FBXL4: variants seen among roughly 807,000 people sequenced by gnomAD.
FBXL4 encodes F-box and leucine rich repeat protein 4.
Under a neutral mutation model 58.9 loss-of-function variants are expected in FBXL4, and 40 were observed. The observed-to-expected ratio is 0.68, with a 90% confidence interval of 0.53 to 0.88. The LOEUF (loss-of-function observed/expected upper bound fraction) is 0.88, where lower values mean the gene tolerates loss of function less well. FBXL4 is among the 40% of genes least tolerant of loss of function. The pLI is 0.00. For synonymous variants in FBXL4, 263 were observed against 265.5 expected (o/e 0.99, Z 0.09); for missense variants, 676 against 734.4 (o/e 0.92, Z 0.92).
intron 5 of FBXL4, among the ~76,000 whole-genome samples, chr6:98,911,389 C>T (rs1772060141): frequency 6.6e-6 from 1 of 152,206 alleles, no homozygotes; most frequent in African/African-American, 2.4e-5. Flanking sequence ...AAGTGGGTCC[C>T]TGACCCCTGA....
In FBXL4 at chr6:98,917,518, A is replaced by C. The variant is rs776419278; in HGVS notation, c.714T>G (p.Thr238=). 35 of 1,613,962 alleles carry C rather than the reference A, an allele frequency of 2.2e-5. No individual in the cohort carries two copies. Among genetic ancestry groups the C allele is most frequent in the Non-Finnish European group, 2.9e-5 (34 of 1,179,948 alleles). Residue 238 remains threonine, a synonymous_variant, in exon 5 of 10, where the codon ACT becomes ACG. Transcript: ENST00000369244. ...VKDKPVLSLK[T]SLIDMNDIED... is the part of the protein sequence containing the mutation. ...CTATATCATTCATGTCAATAAGTGAAGTCTTGAGAGAAAGCACTGGCTTGT... is the reference window on the plus strand; with the variant it reads ...CTATATCATTCATGTCAATAAGTGACGTCTTGAGAGAAAGCACTGGCTTGT...
intron 6 of FBXL4, among the ~76,000 whole-genome samples, chr6:98,902,812 T>C (rs1470297910): frequency 1.3e-5 from 2 of 151,914 alleles, no homozygotes; most frequent in Non-Finnish European, 2.9e-5. Context: ...ACTAGAAAAG[T>C]GGAATTATAA....
intron 1 of FBXL4, 144 bp downstream of exon 1, chr6:98,947,662 G>T: frequency 6.6e-6 from 1 of 152,536 alleles, no homozygotes; most frequent in South Asian, 1.9e-4. Flanking sequence ...CGCGGGCGGG[G>T]AGGGGCGGGC....
At chr6:98,942,190 G>A (rs1773457890) in intron 1 of FBXL4, among the ~76,000 whole-genome samples, 1 of 151,472 alleles carries the variant, frequency 6.6e-6, no homozygotes, top group Non-Finnish European at 1.5e-5. Flanking sequence ...ACTTAAAAAT[G>A]TATGCCAGTT....
At chr6:98,939,253 T>C (rs2128412051) in intron 1 of FBXL4, among the ~76,000 whole-genome samples, 1 of 152,318 alleles carries the variant, frequency 6.6e-6, no homozygotes, top group Admixed American at 6.5e-5. Context: ...AATCATCTGC[T>C]GCCTCTTGAA....
At chr6:98,882,946 T>C (rs34184397) in intron 7 of FBXL4, among the ~76,000 whole-genome samples, 19 of 152,164 alleles carry the variant, frequency 1.2e-4, no homozygotes, top group African/African-American at 4.3e-4. Context: ...AGAGTATTTC[T>C]CTAGAGAACA....
intron 9 of FBXL4, 56 bp downstream of exon 9, chr6:98,875,359 G>T: frequency 6.4e-7 from 1 of 1,563,712 alleles, no homozygotes; most frequent in Non-Finnish European, 8.8e-7. Flanking sequence ...GTCTGAGATT[G>T]GCTTTTCTGT....
rs557174203 is a variant in FBXL4 at position 98,880,335 on chromosome 6, T to C, written c.1389+218A>G. Among the ~76,000 whole-genome samples, 75 of 152,298 alleles carry C rather than the reference T, an allele frequency of 4.9e-4. 1 individual carries two copies. In the South Asian group the frequency reaches 0.011, roughly 21 times the overall value. ...AACTATACTCTATTCCACCACACTA[T>C]ACTTCTTTCCTTGCTCTCATGGATA... is the stretch of plus-strand genomic sequence containing the variant. On this transcript the variant is annotated intron_variant, in intron 8 of 9. Transcript: ENST00000369244.
intron 7 of FBXL4, among the ~76,000 whole-genome samples, chr6:98,884,620 T>C (rs1216931647): frequency 6.6e-6 from 1 of 152,190 alleles, no homozygotes; most frequent in East Asian, 1.9e-4. Flanking sequence ...CTGATAGCTC[T>C]TGTCCCTTTA....
intron 4 of FBXL4, among the ~76,000 whole-genome samples, chr6:98,925,909 G>C (rs1772758822): frequency 6.6e-6 from 1 of 152,002 alleles, no homozygotes; most frequent in Non-Finnish European, 1.5e-5. Context: ...TTAATATTTT[G>C]TAAAATTAGG....
intron 7 of FBXL4, among the ~76,000 whole-genome samples, chr6:98,897,772 G>T (rs767120034): frequency 6.6e-6 from 1 of 152,110 alleles, no homozygotes; most frequent in Non-Finnish European, 1.5e-5. Flanking sequence ...AACACAAAAG[G>T]CATCCTTGCT....
At chr6:98,917,754 T>C (rs1241657578) in intron 4 of FBXL4, 35 bp from the exon 5 acceptor site, 21 of 1,484,924 alleles carry the variant, frequency 1.4e-5, no homozygotes, top group Non-Finnish European at 1.9e-5. Context: ...TAATACAGTT[T>C]AGAATGAGAT....
chr6:98,920,351 T>C (rs1772531929), intron 4 of FBXL4, among the ~76,000 whole-genome samples: 1 of 152,084 alleles, frequency 6.6e-6, no homozygotes. Flanking sequence ...TGCTTCTGAC[T>C]TCTATATCGC....
chr6:98,875,121 A>AG, intron 9 of FBXL4: 1 of 297,862 alleles, frequency 3.4e-6, no homozygotes, highest in Non-Finnish European at 6.2e-6. Context: ...AAAAATAGAG[A>AG]GCGCAGCTCA....
intron 2 of FBXL4, among the ~76,000 whole-genome samples, chr6:98,928,678 A>T (rs1163825358): frequency 2.0e-5 from 3 of 152,158 alleles, no homozygotes; most frequent in Non-Finnish European, 4.4e-5. Context: ...AAACTTCAGC[A>T]CTAAGATTAT....
At chr6:98,939,725 G>A (rs530220811) in intron 1 of FBXL4, among the ~76,000 whole-genome samples, 15 of 152,284 alleles carry the variant, frequency 9.9e-5, no homozygotes, top group South Asian at 2.1e-4. Flanking sequence ...AATCACTTCC[G>A]ACATTACCAG....
chr6:98,941,885 GTTAA>G (rs752733207), intron 1 of FBXL4, among the ~76,000 whole-genome samples: 7 of 152,018 alleles, frequency 4.6e-5, no homozygotes, highest in East Asian at 1.9e-4. Flanking sequence ...ATTGTTTAGT[GTTAA>G]TTAATAGGTT....
Position 98,899,438 on chromosome 6 carries a change from A to G in FBXL4, c.1147T>C (p.Ser383Pro). 1 of 1,613,970 alleles carries G rather than the reference A, an allele frequency of 6.2e-7. No homozygotes were observed. The highest frequency in any genetic ancestry group is 2.2e-5 in the East Asian group (1 of 44,864). Reference sequence around the variant, plus strand: ...GTTTCATTAAGAAAGTGGCTGCAAGACAATTCAAGGCGTACTAATTCGGAT... The same window carrying G: ...GTTTCATTAAGAAAGTGGCTGCAAGGCAATTCAAGGCGTACTAATTCGGAT... ...CGSELVRLEL[S>P]CSHFLNETCL... The change falls in exon 7 of 10, where the codon TCT (serine) becomes CCT (proline). Residue 383 changes from serine to proline, a missense_variant. Physicochemically the swap from Ser to Pro is moderately conservative, Grantham distance 74. Coordinates refer to ENST00000369244, the MANE Select transcript of FBXL4 (RefSeq NM_001278716.2).
intron 4 of FBXL4, among the ~76,000 whole-genome samples, chr6:98,919,408 G>A (rs1772492891): frequency 6.6e-6 from 1 of 152,168 alleles, no homozygotes; most frequent in Non-Finnish European, 1.5e-5. Context: ...CAGCCTGTGA[G>A]TATTTGTATT....
Sources: gnomAD v4.1 joint callset for allele counts (sites outside exome capture counted in the v4.1 genomes callset) on GRCh38, gnomAD v4.1.1 for gene constraint, MANE v1.5 for transcripts, NCBI Gene and HGNC (gene_info 2026-07-23, HGNC 2026-07-21) for gene names.